Variants in ST3GAL3 observed in about 807,000 individuals in gnomAD.
The protein encoded by ST3GAL3 is CMP-N-acetylneuraminate-beta-1,4-galactoside alpha-2,3-sialyltransferase.
In ST3GAL3, 21 loss-of-function variants were observed where a neutral mutation model predicts 50.1. That is an observed-to-expected ratio of 0.42 (90% CI 0.30 to 0.60). The LOEUF (loss-of-function observed/expected upper bound fraction) is 0.60. ST3GAL3 is among the 20% of genes least tolerant of loss of function. ST3GAL3 has a pLI of 0.19. For missense variants in ST3GAL3, 353 were observed against 489.4 expected, an observed-to-expected ratio of 0.72 and a Z score of 2.63; for synonymous variants, 183 against 190.0, an observed-to-expected ratio of 0.96 and a Z score of 0.30.
intron 9 of ST3GAL3, among the ~76,000 whole-genome samples, chr1:43,910,813 G>T (rs966170660): frequency 6.6e-6 from 1 of 152,178 alleles, no homozygotes. Flanking sequence ...CATGGGCATG[G>T]TACTGCCCTT....
rs551068047 is a variant in ST3GAL3 at position 43,929,773 on chromosome 1, C to T, written c.1039-359C>T. On this transcript the variant is annotated intron_variant, in intron 11 of 11. Coordinates refer to ENST00000347631, the MANE Select transcript of ST3GAL3 (RefSeq NM_006279.5). ...GGACTTCAGTGACTCACACTGCCTG[C>T]CCGCAGGGTGTCTATAACCTAGGTG... Among the ~76,000 whole-genome samples the T allele has an allele frequency of 3.3e-5, 5 of 152,290 alleles. No homozygotes were observed. The South Asian group carries it at 1.0e-3, about 32-fold the overall frequency.
At chr1:43,830,034 G>T (rs533047876) in intron 4 of ST3GAL3, among the ~76,000 whole-genome samples, 38 of 109,280 alleles carry the variant, frequency 3.5e-4, no homozygotes, top group African/African-American at 1.4e-3. Context: ...TTGAGACAGG[G>T]TCTTGCTTTG....
intron 3 of ST3GAL3, among the ~76,000 whole-genome samples, chr1:43,797,304 C>T (rs1439253295): frequency 1.3e-5 from 2 of 151,972 alleles, no homozygotes; most frequent in South Asian, 4.2e-4. Context: ...TAAAACTATC[C>T]AATTGGAACA....
intron 1 of ST3GAL3, among the ~76,000 whole-genome samples, chr1:43,728,824 A>G (rs530941547): frequency 6.6e-6 from 1 of 152,310 alleles, no homozygotes; most frequent in East Asian, 1.9e-4. Flanking sequence ...TTGTATATAT[A>G]ACACACATAT....
rs574434314 is a variant in ST3GAL3 at position 43,744,801 on chromosome 1, G to A, written c.118+8421G>A. Among the ~76,000 whole-genome samples, 161 of 151,394 alleles carry A rather than the reference G, an allele frequency of 1.1e-3. 1 individual carries two copies. Among genetic ancestry groups the A allele is most frequent in the African/African-American group, 3.8e-3 (156 of 41,332 alleles). ...CGGGATCACCTGAGGTCAGGAGTTT[G>A]AGACCGTGAAACCCCATCTCTACTA... On this transcript the variant is annotated intron_variant, in intron 2 of 11. Transcript: ENST00000347631.
At chr1:43,882,353 G>C (rs181445271) in intron 5 of ST3GAL3, among the ~76,000 whole-genome samples, 3 of 152,136 alleles carry the variant, frequency 2.0e-5, no homozygotes, top group Admixed American at 6.5e-5. Context: ...AGGAGAAGAG[G>C]GGGTATCTGA....
chr1:43,778,300 A>G (rs2154139300), intron 2 of ST3GAL3, among the ~76,000 whole-genome samples: 1 of 152,334 alleles, frequency 6.6e-6, no homozygotes, highest in East Asian at 1.9e-4. Context: ...ATCAGGAAGA[A>G]TAGCTAATGG....
intron 2 of ST3GAL3, among the ~76,000 whole-genome samples, chr1:43,782,257 T>A (rs1447418721): frequency 6.6e-6 from 1 of 152,180 alleles, no homozygotes; most frequent in African/African-American, 2.4e-5. Flanking sequence ...ATCCGATCAG[T>A]TTCCCAATCC....
chr1:43,930,247 G>A lies in ST3GAL3; in HGVS notation c.*26G>A, dbSNP rs1477162591. ...GTGGGCCCAGCACATGGCCATAGAG[G>A]CCCAGGCACCACCAGGAGCAGCAGC... On this transcript the variant is annotated 3_prime_UTR_variant, in exon 12 of 12. Coordinates refer to ENST00000347631, the MANE Select transcript of ST3GAL3 (RefSeq NM_006279.5). 6.2e-7 allele frequency: 1 copy of A among 1,606,374 alleles called. No homozygotes were observed. Among genetic ancestry groups the A allele is most frequent in the Admixed American group, 1.7e-5 (1 of 60,020 alleles).
intron 4 of ST3GAL3, among the ~76,000 whole-genome samples, chr1:43,818,691 G>A (rs1230388990): frequency 6.6e-6 from 1 of 151,994 alleles, no homozygotes; most frequent in East Asian, 1.9e-4. Context: ...TAAATATACT[G>A]TATTTAAAGA....
At chr1:43,861,718 A>G (rs1421094204) in intron 5 of ST3GAL3, among the ~76,000 whole-genome samples, 2 of 152,174 alleles carry the variant, frequency 1.3e-5, no homozygotes, top group Non-Finnish European at 2.9e-5. Flanking sequence ...GTGCTTCTCC[A>G]TATTCTTTGC....
At chr1:43,735,986 T>G (rs1285767423) in intron 1 of ST3GAL3, among the ~76,000 whole-genome samples, 1 of 152,136 alleles carries the variant, frequency 6.6e-6, no homozygotes, top group Non-Finnish European at 1.5e-5. Context: ...CCAGAACTAG[T>G]CAGGGACTGG....
intron 5 of ST3GAL3, among the ~76,000 whole-genome samples, chr1:43,886,525 A>T (rs941760370): frequency 6.6e-6 from 1 of 152,230 alleles, no homozygotes; most frequent in East Asian, 1.9e-4. Flanking sequence ...AAATTTTTTT[A>T]AAAGTAAGAA....
In ST3GAL3 at chr1:43,899,093, C is replaced by G. The variant is rs2077832755; in HGVS notation, c.462-75C>G. 6.2e-7 allele frequency: 1 copy of G among 1,605,890 alleles called. No homozygotes were observed. The highest frequency in any genetic ancestry group is 8.5e-7 in the Non-Finnish European group (1 of 1,176,398). On this transcript the variant is annotated intron_variant, in intron 7 of 11. Transcript: ENST00000347631. This position sits in a 1 kb window ranked among gnomAD's most constrained non-coding sequence, Gnocchi z 5.4. ...CTGGTCCTGGACAAGGGCGTGGGGT[C>G]AAGGGCCAAAGGAGCAGGGAAAGAG... is the stretch of plus-strand genomic sequence containing the variant.
intron 2 of ST3GAL3, among the ~76,000 whole-genome samples, chr1:43,756,395 T>C (rs762548873): frequency 6.6e-6 from 1 of 152,182 alleles, no homozygotes; most frequent in Non-Finnish European, 1.5e-5. Context: ...TGTGATTTTA[T>C]GTATGTGTAC....
intron 9 of ST3GAL3, among the ~76,000 whole-genome samples, chr1:43,917,459 TATATATA>T (rs1234775319): frequency 1.4e-3 from 30 of 21,514 alleles, no homozygotes; most frequent in African/African-American, 1.9e-3. Flanking sequence ...TAATATATAA[TATATATA>T]ATATATAATA....
At chr1:43,807,966 T>C (rs905355705) in intron 3 of ST3GAL3, among the ~76,000 whole-genome samples, 1 of 152,048 alleles carries the variant, frequency 6.6e-6, no homozygotes, top group African/African-American at 2.4e-5. Context: ...TAAGTGTCTG[T>C]AGGACACCGA....
chr1:43,851,611 G>A (rs1558577488), intron 5 of ST3GAL3: 7 of 1,314,166 alleles, frequency 5.3e-6, no homozygotes, highest in African/African-American at 4.4e-5. Flanking sequence ...GCCCTCTGCC[G>A]GTACTCTCCT....
At chr1:43,796,291 T>C (rs1573008261) in intron 3 of ST3GAL3, among the ~76,000 whole-genome samples, 2 of 152,330 alleles carry the variant, frequency 1.3e-5, no homozygotes, top group Non-Finnish European at 2.9e-5. Context: ...GCCCCAGCTT[T>C]CTGGCCAGAG....
Sources: allele counts gnomAD v4.1 joint callset (sites outside exome capture counted in the v4.1 genomes callset), GRCh38; gene constraint gnomAD v4.1.1; non-coding constraint Gnocchi (gnomAD v3.1); transcripts MANE v1.5; gene names NCBI Gene and HGNC (gene_info 2026-07-23, HGNC 2026-07-21).